Variants in ITPR1 observed in about 807,000 individuals in gnomAD.
ITPR1 encodes inositol 1,4,5-trisphosphate receptor type 1, also known as inositol 1,4,5-trisphosphate-gated calcium channel ITPR1.
Under a neutral mutation model 318.4 loss-of-function variants are expected in ITPR1, and 96 were observed. The ratio of observed to expected loss-of-function variants is 0.30; its 90% CI spans 0.26 to 0.36. ITPR1 has a LOEUF of 0.36. Among genes scored for constraint, ITPR1 ranks in the 10% least tolerant of loss-of-function variants. The probability of loss-of-function intolerance (pLI) is 1.00; values close to 1 mark genes in which losing one functional copy is unlikely to be tolerated. For synonymous variants in ITPR1, 1,312 were observed against 1,289.9 expected, an observed-to-expected ratio of 1.02 and a Z score of -0.37; for missense variants, 2,440 against 3,460.2, an observed-to-expected ratio of 0.71 and a Z score of 7.40.
chr3:4,548,719 T>C (rs1389445590), intron 4 of ITPR1, among the ~76,000 whole-genome samples: 2 of 152,144 alleles, frequency 1.3e-5, no homozygotes, highest in Non-Finnish European at 1.5e-5. Flanking sequence ...TGAGGGCTAG[T>C]AACTAAATTG....
intron 4 of ITPR1, among the ~76,000 whole-genome samples, chr3:4,528,853 T>C (rs1354253760): frequency 6.6e-6 from 1 of 152,252 alleles, no homozygotes; most frequent in Non-Finnish European, 1.5e-5. Context: ...ATTAATAGTT[T>C]TTTGTAATCT....
intron 2 of ITPR1, among the ~76,000 whole-genome samples, chr3:4,514,266 A>G (rs1250372323): frequency 1.3e-5 from 2 of 152,198 alleles, no homozygotes. Flanking sequence ...CTAAGAGAAC[A>G]TTTGTAAAGC....
At chr3:4,513,066 C>T (rs1257106128) in intron 2 of ITPR1, among the ~76,000 whole-genome samples, 1 of 152,070 alleles carries the variant, frequency 6.6e-6, no homozygotes, top group Non-Finnish European at 1.5e-5. Flanking sequence ...ACATAGGAGC[C>T]CTGAGTGCAG....
chr3:4,739,189 G>A (rs1220765712), intron 44 of ITPR1, among the ~76,000 whole-genome samples: 3 of 152,254 alleles, frequency 2.0e-5, no homozygotes, highest in Non-Finnish European at 4.4e-5. Flanking sequence ...AGAGTAGTAA[G>A]TGGCCAGCTG....
At chr3:4,827,030 C>T (rs988540486) in intron 60 of ITPR1, among the ~76,000 whole-genome samples, 1 of 152,196 alleles carries the variant, frequency 6.6e-6, no homozygotes, top group Non-Finnish European at 1.5e-5. Flanking sequence ...ACCACTTCTC[C>T]CCATTGGCTA....
At chr3:4,775,113 A>G (rs921757524) in intron 46 of ITPR1, 129 bp from the exon 47 acceptor site, 19 of 743,836 alleles carry the variant, frequency 2.6e-5, no homozygotes, top group African/African-American at 5.2e-5. Flanking sequence ...TGACTCTTCC[A>G]TGCTCTCCCA....
At chr3:4,807,658 T>G (rs1370794994) in intron 55 of ITPR1, among the ~76,000 whole-genome samples, 1 of 152,230 alleles carries the variant, frequency 6.6e-6, no homozygotes, top group Non-Finnish European at 1.5e-5. Flanking sequence ...GGGTGGATTT[T>G]GGCAGGCTAA....
chr3:4,722,463 C>G (rs1361960508), intron 40 of ITPR1, among the ~76,000 whole-genome samples: 1 of 151,976 alleles, frequency 6.6e-6, no homozygotes, highest in African/African-American at 2.4e-5. Flanking sequence ...AGGGCTTCAC[C>G]TTTCATGTAA....
chr3:4,787,963 G>T lies in ITPR1; in HGVS notation c.6632G>T (p.Arg2211Leu). The T allele has an allele frequency of 6.2e-7, 1 of 1,610,292 alleles. No individual in the cohort carries two copies. The highest frequency in any genetic ancestry group is 1.1e-5 in the South Asian group (1 of 90,284). The change falls in exon 52 of 62, where the codon CGA becomes CTA. Residue 2211 changes from arginine to leucine, a missense_variant. By Grantham distance (102) the Arg-to-Leu change is moderately radical (BLOSUM62 -2). Transcript: ENST00000649015. ...TAQIEIVRLD[R>L]TMEQIVFPVP... Reference sequence around the variant, plus strand: ...TCATCCTAGATTGTCAGATTAGACCGAACAATGGAACAGATAGTCTTTCCC... The same window carrying T: ...TCATCCTAGATTGTCAGATTAGACCTAACAATGGAACAGATAGTCTTTCCC...
At position 4,652,145 on chromosome 3, in the gene ITPR1, G is replaced by A. The variant is rs745432988; in HGVS notation, c.878G>A (p.Arg293Gln). ...CAGGTGGTCCAGCATGACCCATGTC[G>A]GGGCGGAGCAGGGTATTGGAACAGC... ...EVEVVQHDPC[R>Q]GGAGYWNSLF... Residue 293 changes from arginine to glutamine, a missense_variant, in exon 11 of 62, where the codon CGG becomes CAG. This residue lies in a region of ITPR1 where 32 missense variants were observed against 62.7 expected (regional missense o/e 0.51). Coordinates refer to ENST00000649015, the MANE Select transcript of ITPR1 (RefSeq NM_001378452.1). 1.3e-5 allele frequency: 21 copies of A among 1,612,462 alleles called. No individual in the cohort carries two copies. The highest frequency in any genetic ancestry group is 5.0e-5 in the Admixed American group (3 of 59,886).
chr3:4,612,785 G>T (rs1367183985), intron 4 of ITPR1, among the ~76,000 whole-genome samples: 1 of 152,140 alleles, frequency 6.6e-6, no homozygotes, highest in Non-Finnish European at 1.5e-5. Flanking sequence ...TACTGGGGAG[G>T]CTGAGACAGG....
Position 4,702,890 on chromosome 3 carries a change from T to C in ITPR1, c.4597T>C (p.Trp1533Arg). 1 of 1,614,008 alleles carries C rather than the reference T, an allele frequency of 6.2e-7. No individual in the cohort carries two copies. The highest frequency in any genetic ancestry group is 8.5e-7 in the Non-Finnish European group (1 of 1,179,868). Residue 1533 changes from tryptophan to arginine, a missense_variant, in exon 36 of 62, where the codon TGG (tryptophan) becomes CGG (arginine). Trp to Arg is a moderately radical substitution (Grantham distance 101). This residue lies in a region of ITPR1 where 166 missense variants were observed against 246.5 expected (regional missense o/e 0.67). Transcript: ENST00000649015. ...CGTGTTCAGGGTTTACCACTGCAAC[T>C]GGTTAATGCCAAGCCAAAAAGCCTC... ...QGVFRVYHCNWLMPSQKASVE... is the reference protein window; with the variant it reads ...QGVFRVYHCNRLMPSQKASVE...
chr3:4,499,284 G>A (rs1056198473), intron 2 of ITPR1, among the ~76,000 whole-genome samples: 1 of 152,266 alleles, frequency 6.6e-6, no homozygotes, highest in African/African-American at 2.4e-5. Context: ...TTTCCTCTAA[G>A]TATGCATATG....
chr3:4,527,988 C>T (rs1411055820), intron 4 of ITPR1, among the ~76,000 whole-genome samples: 1 of 152,176 alleles, frequency 6.6e-6, no homozygotes, highest in Non-Finnish European at 1.5e-5. Context: ...ATAAGAATGG[C>T]ATTTTTCATG....
intron 4 of ITPR1, among the ~76,000 whole-genome samples, chr3:4,555,621 C>T (rs1055255893): frequency 1.3e-5 from 2 of 152,140 alleles, no homozygotes; most frequent in Non-Finnish European, 2.9e-5. Flanking sequence ...AGGAAACTTA[C>T]TAATCTACAA....
At chr3:4,751,938 G>A (rs888020789) in intron 44 of ITPR1, among the ~76,000 whole-genome samples, 6 of 152,192 alleles carry the variant, frequency 3.9e-5, no homozygotes, top group East Asian at 1.9e-4. Context: ...TCCTTTTCAC[G>A]GAGAAATCTA....
intron 4 of ITPR1, among the ~76,000 whole-genome samples, chr3:4,587,373 A>T (rs184736622): frequency 6.7e-6 from 1 of 150,098 alleles, no homozygotes; most frequent in East Asian, 2.0e-4. Flanking sequence ...TCCCGGGTTC[A>T]AGCAATTCTG....
intron 4 of ITPR1, among the ~76,000 whole-genome samples, chr3:4,562,324 A>C (rs1418468889): frequency 6.6e-6 from 1 of 152,206 alleles, no homozygotes; most frequent in Non-Finnish European, 1.5e-5. Flanking sequence ...AGTTGCAGCA[A>C]GTAGGTTTGC....
At chr3:4,637,819 A>T (rs1051328537) in intron 5 of ITPR1, among the ~76,000 whole-genome samples, 1 of 152,346 alleles carries the variant, frequency 6.6e-6, no homozygotes, top group South Asian at 2.1e-4. Flanking sequence ...AATGGAACAG[A>T]TGCTGACTTT....
Sources: gnomAD v4.1 joint callset for allele counts (sites outside exome capture counted in the v4.1 genomes callset) on GRCh38, gnomAD v4.1.1 for gene constraint, gnomAD v4.1.1 regional missense constraint, MANE v1.5 for transcripts, NCBI Gene and HGNC (gene_info 2026-07-23, HGNC 2026-07-21) for gene names.